GAREM1: variants seen among roughly 807,000 people sequenced by gnomAD.
GAREM1 encodes GRB2 associated regulator of MAPK1 subtype 1.
GAREM1 carries 26 observed loss-of-function variants against 71.3 expected under a neutral mutation model. The observed-to-expected ratio is 0.36, with a 90% CI of 0.27 to 0.51. The LOEUF (loss-of-function observed/expected upper bound fraction) is 0.51. GAREM1 is among the 20% of genes least tolerant of loss of function. The probability of loss-of-function intolerance (pLI) is 0.95; values close to 1 mark genes in which losing one functional copy is unlikely to be tolerated. For missense variants in GAREM1, 1,026 were observed against 1,103.1 expected (o/e 0.93, Z 0.99); for synonymous variants, 440 against 433.2 (o/e 1.02, Z -0.20).
rs2041356789 is a variant in GAREM1, at chr18:32,265,256, G to GA, written c.*2614_*2615insT. On this transcript the variant is annotated 3_prime_UTR_variant, in exon 6 of 6. Coordinates refer to ENST00000269209, the MANE Select transcript of GAREM1 (RefSeq NM_001242409.2). Reference sequence around the variant, plus strand: ...TTACAATTAAAAGAATTCCAGGTCAGTAAAAAAAACAAAAAACAAAAAACA... The same window carrying GA: ...TTACAATTAAAAGAATTCCAGGTCAGATAAAAAAAACAAAAAACAAAAAACA... 1 of 151,968 alleles carries GA rather than the reference G, an allele frequency of 6.6e-6. No homozygotes were observed. The highest frequency in any genetic ancestry group is 2.4e-5 in the African/African-American group (1 of 41,352). 9.4% of individuals were successfully genotyped at this position (151,968 alleles called of 1,614,324 possible).
At chr18:32,310,440 T>C (rs574179667) in intron 2 of GAREM1, 117 bp from the exon 3 acceptor site, 17 of 997,270 alleles carry the variant, frequency 1.7e-5, no homozygotes, top group Admixed American at 5.5e-5. Flanking sequence ...TTCCTGTTCA[T>C]CATTAATCTT....
intron 2 of GAREM1, among the ~76,000 whole-genome samples, chr18:32,315,764 C>T (rs938533478): frequency 1.3e-5 from 2 of 151,890 alleles, no homozygotes; most frequent in Non-Finnish European, 2.9e-5. Flanking sequence ...ATGATACAAT[C>T]CTCTTAGGGA....
At chr18:32,269,363 AC>A (rs2041424046) in intron 5 of GAREM1, among the ~76,000 whole-genome samples, 1 of 152,248 alleles carries the variant, frequency 6.6e-6, no homozygotes, top group South Asian at 2.1e-4. Context: ...GCTACTTTAA[AC>A]TGTAATGAGC....
At chr18:32,428,037 A>C (rs148019243) in intron 1 of GAREM1, among the ~76,000 whole-genome samples, 2 of 152,322 alleles carry the variant, frequency 1.3e-5, no homozygotes, top group African/African-American at 4.8e-5. Context: ...AGGAAAAGGA[A>C]ATCATCTTTT....
At chr18:32,305,667 G>A (rs1220728009) in intron 3 of GAREM1, among the ~76,000 whole-genome samples, 1 of 152,146 alleles carries the variant, frequency 6.6e-6, no homozygotes, top group Non-Finnish European at 1.5e-5. Context: ...TTACAGGCAT[G>A]CACCCCCATG....
intron 3 of GAREM1, among the ~76,000 whole-genome samples, chr18:32,289,798 G>C (rs1313117890): frequency 6.6e-6 from 1 of 152,156 alleles, no homozygotes; most frequent in Non-Finnish European, 1.5e-5. Context: ...TAATGCCCAG[G>C]ACAGCTCCCC....
At chr18:32,351,679 T>G (rs930819341) in intron 2 of GAREM1, among the ~76,000 whole-genome samples, 1 of 150,838 alleles carries the variant, frequency 6.6e-6, no homozygotes, top group Non-Finnish European at 1.5e-5. Context: ...AAAGTAAATA[T>G]CTCTCAAGCA....
chr18:32,298,305 G>A (rs73956868), intron 3 of GAREM1, among the ~76,000 whole-genome samples: 369 of 152,322 alleles, frequency 2.4e-3, no homozygotes, highest in African/African-American at 7.9e-3. Flanking sequence ...GCCAGTGACA[G>A]ATGAAAAATC....
In GAREM1 at chr18:32,291,574, T is replaced by A. The variant is rs550247958; in HGVS notation, c.394-3371A>T. On this transcript the variant is annotated intron_variant, in intron 3 of 5. Transcript: ENST00000269209. ...TTATTACGTAGGTATACAAGTGCCA[T>A]GGTGGTTTGCAGTACCCATCAAACC... Among the ~76,000 whole-genome samples the A allele has an allele frequency of 5.3e-5, 8 of 152,254 alleles. No homozygotes were observed. The East Asian group carries it at 1.5e-3, about 29-fold the overall frequency.
At chr18:32,277,456 A>T in intron 4 of GAREM1, among the ~76,000 whole-genome samples, 1 of 152,204 alleles carries the variant, frequency 6.6e-6, no homozygotes, top group East Asian at 1.9e-4. Context: ...CTAGAAAAAT[A>T]AATTAATGGT....
In GAREM1 at chr18:32,364,019, TATA is replaced by T. The variant is rs1567980763; in HGVS notation, c.262+28873_262+28875del. Among the ~76,000 whole-genome samples, 8 of 69,366 alleles carry T rather than the reference TATA, an allele frequency of 1.2e-4. 1 individual carries two copies. The highest frequency in any genetic ancestry group is 1.1e-3 in the East Asian group (3 of 2,690). The allele number at this position is 69,366 out of a possible 152,430, so 45.5% of individuals were successfully genotyped here. On this transcript the variant is annotated intron_variant, in intron 2 of 5. Coordinates refer to ENST00000269209, the MANE Select transcript of GAREM1 (RefSeq NM_001242409.2). ...ACATATATATATATATATATATATA[TATA>T]TATATGTTTTTTTTTTTTTTTTTTT... is the stretch of plus-strand genomic sequence containing the variant.
chr18:32,268,584 T>C lies in GAREM1; in HGVS notation c.1918A>G (p.Ser640Gly). Residue 640 changes from serine (S) to glycine (G), a missense_variant, in exon 6 of 6, where the codon AGT (serine) becomes GGT (glycine). By Grantham distance (56) the Ser-to-Gly change is moderately conservative (BLOSUM62 0). Coordinates refer to ENST00000269209, the MANE Select transcript of GAREM1 (RefSeq NM_001242409.2). ...YSGASESQTR[S>G]DFLLDPSRSY... Reference sequence around the variant, plus strand: ...CTGCTTGGATCCAGCAGGAAGTCACTCCTGGTCTGGCTTTCTGATGCTCCT... The same window carrying C: ...CTGCTTGGATCCAGCAGGAAGTCACCCCTGGTCTGGCTTTCTGATGCTCCT... The C allele has an allele frequency of 6.2e-7, 1 of 1,614,160 alleles. No individual in the cohort carries two copies. The highest frequency in any genetic ancestry group is 8.5e-7 in the Non-Finnish European group (1 of 1,180,022).
At chr18:32,275,866 T>C (rs2041535278) in intron 4 of GAREM1, among the ~76,000 whole-genome samples, 1 of 152,050 alleles carries the variant, frequency 6.6e-6, no homozygotes, top group African/African-American at 2.4e-5. Flanking sequence ...TTAGTAGAGA[T>C]GGGGTTTCTC....
chr18:32,349,287 A>G (rs995576952), intron 2 of GAREM1, among the ~76,000 whole-genome samples: 1 of 152,206 alleles, frequency 6.6e-6, no homozygotes, highest in African/African-American at 2.4e-5. Context: ...TGTCCATTAA[A>G]TTTACCAGGA....
intron 3 of GAREM1, among the ~76,000 whole-genome samples, chr18:32,302,757 T>TG (rs1255811018): frequency 6.6e-6 from 1 of 152,078 alleles, no homozygotes; most frequent in Non-Finnish European, 1.5e-5. Context: ...CCAGGTAGAA[T>TG]GGGGGGAAAC....
chr18:32,392,593 C>G (rs939584290), intron 2 of GAREM1, among the ~76,000 whole-genome samples: 9 of 152,114 alleles, frequency 5.9e-5, no homozygotes, highest in Admixed American at 5.9e-4. Flanking sequence ...GAGACATGAC[C>G]CCCTGAAGTT....
At chr18:32,401,133 C>T (rs1244869286) in intron 1 of GAREM1, among the ~76,000 whole-genome samples, 2 of 152,012 alleles carry the variant, frequency 1.3e-5, no homozygotes, top group African/African-American at 4.8e-5. Flanking sequence ...AATGAGAACA[C>T]CTGGACACAG....
At chr18:32,460,593 C>T (rs1223599410) in intron 1 of GAREM1, among the ~76,000 whole-genome samples, 4 of 152,200 alleles carry the variant, frequency 2.6e-5, no homozygotes, top group Non-Finnish European at 2.9e-5. Context: ...GGGATTCAGA[C>T]ACTACTGTTT....
intron 4 of GAREM1, among the ~76,000 whole-genome samples, chr18:32,282,694 G>A (rs1452855940): frequency 6.6e-6 from 1 of 152,154 alleles, no homozygotes; most frequent in East Asian, 1.9e-4. Flanking sequence ...ACAGGTGTGA[G>A]CCACGGTGCC....
Sources: allele counts gnomAD v4.1 joint callset (sites outside exome capture counted in the v4.1 genomes callset), GRCh38; gene constraint gnomAD v4.1.1; transcripts MANE v1.5; gene names NCBI Gene and HGNC (gene_info 2026-07-23, HGNC 2026-07-21).